Variants in UNC5D observed in about 807,000 individuals in gnomAD.
UNC5D encodes the protein unc-5 netrin receptor D.
Under a neutral mutation model 105.4 loss-of-function variants are expected in UNC5D, and 39 were observed. The ratio of observed to expected loss-of-function variants is 0.37; its 90% CI spans 0.29 to 0.48. The LOEUF (loss-of-function observed/expected upper bound fraction) is 0.48, where lower values mean the gene tolerates loss of function less well. UNC5D is among the 20% of genes least tolerant of loss of function. The probability of loss-of-function intolerance (pLI) is 0.98; values close to 1 mark genes in which losing one functional copy is unlikely to be tolerated. For synonymous variants in UNC5D, 452 were observed against 450.4 expected (o/e 1.00, Z -0.04); for missense variants, 991 against 1,202.4 (o/e 0.82, Z 2.60).
At chr8:35,516,589 A>T (rs1586026656) in intron 1 of UNC5D, among the ~76,000 whole-genome samples, 1 of 152,340 alleles carries the variant, frequency 6.6e-6, no homozygotes, top group Middle Eastern at 3.4e-3. Context: ...CTCAAGACGT[A>T]GAATGAAAAA....
At chr8:35,533,454 G>T (rs1814567843) in intron 1 of UNC5D, among the ~76,000 whole-genome samples, 1 of 152,072 alleles carries the variant, frequency 6.6e-6, no homozygotes, top group African/African-American at 2.4e-5. Flanking sequence ...CTTCAAAGCT[G>T]TCATACAAGG....
At chr8:35,577,693 T>C (rs532219300) in intron 3 of UNC5D, among the ~76,000 whole-genome samples, 1 of 152,280 alleles carries the variant, frequency 6.6e-6, no homozygotes, top group Non-Finnish European at 1.5e-5. Context: ...AACTAATGGG[T>C]GAAAGTTTCA....
At position 35,795,144 on chromosome 8, in the gene UNC5D, C is replaced by G. The variant is rs1176952215; in HGVS notation, c.*4581C>G. ...ATGGTTATGCCTAAGCTTAAAAATT[C>G]CCTTCCCCACTACTAATATTGAGTT... On this transcript the variant is annotated 3_prime_UTR_variant, in exon 17 of 17. Coordinates refer to ENST00000404895, the MANE Select transcript of UNC5D (RefSeq NM_080872.4). The G allele has an allele frequency of 6.6e-6, 1 of 152,102 alleles. No homozygotes were observed. The highest frequency in any genetic ancestry group is 6.6e-5 in the Admixed American group (1 of 15,260). 9.4% of individuals were successfully genotyped at this position (152,102 alleles called of 1,614,324 possible).
chr8:35,366,849 A>G (rs988436503), intron 1 of UNC5D, among the ~76,000 whole-genome samples: 3 of 152,214 alleles, frequency 2.0e-5, no homozygotes, highest in African/African-American at 7.2e-5. Flanking sequence ...CATGGTAGAC[A>G]GCCTGATCAG....
At chr8:35,506,169 C>T (rs1316171665) in intron 1 of UNC5D, among the ~76,000 whole-genome samples, 2 of 152,160 alleles carry the variant, frequency 1.3e-5, no homozygotes, top group South Asian at 2.1e-4. Context: ...TCTTAATATT[C>T]GGTGATCCTC....
At chr8:35,492,896 A>G (rs1404234327) in intron 1 of UNC5D, among the ~76,000 whole-genome samples, 1 of 152,156 alleles carries the variant, frequency 6.6e-6, no homozygotes, top group Non-Finnish European at 1.5e-5. Context: ...CTCCTAGGTA[A>G]TCTTTCAGAG....
At chr8:35,720,074 T>A (rs1746454984) in intron 8 of UNC5D, among the ~76,000 whole-genome samples, 1 of 152,172 alleles carries the variant, frequency 6.6e-6, no homozygotes, top group South Asian at 2.1e-4. Context: ...AGAATGAGAA[T>A]TCTGGTTACC....
rs117150721 is a variant in UNC5D at position 35,526,349 on chromosome 8, A to G, written c.104-22943A>G. On this transcript the variant is annotated intron_variant, in intron 1 of 16. Transcript: ENST00000404895. ...TGAGTCCTTGGACACTGCAGCTATA[A>G]TAATAGTGGGAACTCACCTCATCCA... Among the ~76,000 whole-genome samples, 71 of 152,242 alleles carry G rather than the reference A, an allele frequency of 4.7e-4. No homozygotes were observed. The East Asian group carries it at 0.01, about 22-fold the overall frequency.
intron 1 of UNC5D, among the ~76,000 whole-genome samples, chr8:35,511,394 G>A (rs967278338): frequency 3.8e-4 from 58 of 151,098 alleles, no homozygotes; most frequent in African/African-American, 1.3e-3. Context: ...AGCCACTTAG[G>A]AGGCTCAGGT....
chr8:35,390,346 T>G (rs567589441), intron 1 of UNC5D, among the ~76,000 whole-genome samples: 11 of 152,186 alleles, frequency 7.2e-5, no homozygotes, highest in Non-Finnish European at 1.5e-4. Flanking sequence ...TAACTTAAAA[T>G]AGGCTCTGGA....
chr8:35,464,710 C>A (rs1304684204), intron 1 of UNC5D, among the ~76,000 whole-genome samples: 1 of 152,142 alleles, frequency 6.6e-6, no homozygotes, highest in Non-Finnish European at 1.5e-5. Context: ...TTTCATCTAG[C>A]CTTTCTGGCC....
At chr8:35,262,569 G>A (rs1184171789) in intron 1 of UNC5D, among the ~76,000 whole-genome samples, 2 of 152,114 alleles carry the variant, frequency 1.3e-5, no homozygotes, top group Non-Finnish European at 2.9e-5. Flanking sequence ...ACCCAAACCT[G>A]AAGAGCAATG....
chr8:35,378,235 A>G (rs1471263213), intron 1 of UNC5D, among the ~76,000 whole-genome samples: 1 of 152,192 alleles, frequency 6.6e-6, no homozygotes, highest in Non-Finnish European at 1.5e-5. Context: ...CCTTTCTAAT[A>G]CAAAGTACCT....
In UNC5D at chr8:35,722,384, C is replaced by T. The variant is rs1828629498; in HGVS notation, c.1292C>T (p.Thr431Ile). ...TGGFQTFNFK[T>I]VRQGNSLLLN... The stretch of plus-strand genomic sequence containing the variant: ...GGCTTCCAGACCTTCAACTTCAAAA[C>T]AGTCCGTCAAGGTCAGCGGCATAGG... Residue 431 changes from threonine (T) to isoleucine (I), a missense_variant, in exon 9 of 17, where the codon ACA (threonine) becomes ATA (isoleucine). Physicochemically the swap from Thr to Ile is moderately conservative, Grantham distance 89 (BLOSUM62 -1). Transcript: ENST00000404895. The T allele has an allele frequency of 6.2e-7, 1 of 1,613,792 alleles. No homozygotes were observed. The highest frequency in any genetic ancestry group is 8.5e-7 in the Non-Finnish European group (1 of 1,179,892).
Position 35,790,464 on chromosome 8 carries a change from C to T in UNC5D, c.2763C>T (p.Ala921=), listed in dbSNP as rs748924963. The T allele has an allele frequency of 2.5e-6, 4 of 1,613,758 alleles. No homozygotes were observed. The highest frequency in any genetic ancestry group is 2.2e-5 in the East Asian group (1 of 44,862). Residue 921 remains alanine (A), a synonymous_variant, in exon 17 of 17, where the codon GCC becomes GCT. Coordinates refer to ENST00000404895, the MANE Select transcript of UNC5D (RefSeq NM_080872.4). ...HDGDLDSLAC[A]LEEIGRTHTK... is the part of the protein sequence containing the mutation. ...GTGATCTTGACTCCCTGGCCTGTGC[C>T]CTTGAAGAGATTGGGAGGACACACA...
chr8:35,521,729 T>C (rs947799616), intron 1 of UNC5D, among the ~76,000 whole-genome samples: 10 of 152,222 alleles, frequency 6.6e-5, no homozygotes, highest in Non-Finnish European at 1.5e-4. Context: ...GACCCTGGGT[T>C]AGAAGATTAT....
intron 11 of UNC5D, 82 bp from the exon 12 acceptor site, chr8:35,748,445 C>G: frequency 7.0e-7 from 1 of 1,437,814 alleles, no homozygotes; most frequent in South Asian, 1.4e-5. Context: ...GAAGAAAACC[C>G]CAGTCTGTTA....
rs184218202 is a variant in UNC5D, at chr8:35,680,809, C to A, written c.571-2738C>A. On this transcript the variant is annotated intron_variant, in intron 4 of 16. Coordinates refer to ENST00000404895, the MANE Select transcript of UNC5D (RefSeq NM_080872.4). ...TGAATAATTTATTTATGGGTCAGTGCCAGACTTCTCTACTTCCTGACAAAC... is the reference window on the plus strand; with the variant it reads ...TGAATAATTTATTTATGGGTCAGTGACAGACTTCTCTACTTCCTGACAAAC... Among the ~76,000 whole-genome samples the A allele has an allele frequency of 5.3e-5, 8 of 152,224 alleles. No homozygotes were observed. The South Asian group carries it at 6.2e-4, about 12-fold the overall frequency.
chr8:35,750,617 T>C lies in UNC5D; in HGVS notation c.1971T>C (p.Cys657=). Reference sequence around the variant, plus strand: ...CAGTGGAAGATGAATCTACATCCTGTTACTGCCTTTTGGACCCCTTTGCGT... The same window carrying C: ...CAGTGGAAGATGAATCTACATCCTGCTACTGCCTTTTGGACCCCTTTGCGT... ...VMSVEDESTS[C]YCLLDPFACH... Residue 657 remains cysteine, a synonymous_variant, in exon 13 of 17, where the codon TGT becomes TGC. Coordinates refer to ENST00000404895, the MANE Select transcript of UNC5D (RefSeq NM_080872.4). 3 of 1,614,158 alleles carry C rather than the reference T, an allele frequency of 1.9e-6. No individual in the cohort carries two copies. Among genetic ancestry groups the C allele is most frequent in the Non-Finnish European group, 2.5e-6 (3 of 1,180,030 alleles).
Sources: allele counts gnomAD v4.1 joint callset (sites outside exome capture counted in the v4.1 genomes callset), GRCh38; gene constraint gnomAD v4.1.1; transcripts MANE v1.5; gene names NCBI Gene and HGNC (gene_info 2026-07-23, HGNC 2026-07-21).